The following MDGA2 variants were observed in gnomAD, a reference collection of about 807,000 sequenced individuals.
MDGA2 encodes MAM domain-containing glycosylphosphatidylinositol anchor protein 2.
A neutral mutation model predicts 117.8 loss-of-function variants in MDGA2; 40 were observed. That is an observed-to-expected ratio of 0.34 (90% CI 0.26 to 0.44). The LOEUF is 0.44. Ranked by LOEUF, MDGA2 falls within the 20% of genes least tolerant of loss-of-function variation. MDGA2 has a pLI of 1.00. For missense variants in MDGA2, 1,123 were observed against 1,250.6 expected (o/e 0.90, Z 1.54); for synonymous variants, 452 against 439.0 (o/e 1.03, Z -0.37).
intron 1 of MDGA2, among the ~76,000 whole-genome samples, chr14:47,652,701 A>G (rs1247272930): frequency 6.6e-6 from 1 of 152,196 alleles, no homozygotes; most frequent in Non-Finnish European, 1.5e-5. Context: ...ATAAAAAATT[A>G]GTACCTTATA....
chr14:47,073,506 T>A (rs1272506921), intron 6 of MDGA2, among the ~76,000 whole-genome samples: 1 of 152,228 alleles, frequency 6.6e-6, no homozygotes, highest in Admixed American at 6.5e-5. Context: ...CTGCTTTTTA[T>A]TCCGTATTTC....
intron 3 of MDGA2, among the ~76,000 whole-genome samples, chr14:47,169,655 C>G (rs1312456310): frequency 6.6e-6 from 1 of 151,742 alleles, no homozygotes; most frequent in Non-Finnish European, 1.5e-5. Flanking sequence ...CAAAAGTAAG[C>G]CTAGCATTAG....
chr14:47,155,452 G>A (rs1327276597), intron 3 of MDGA2, among the ~76,000 whole-genome samples: 1 of 152,084 alleles, frequency 6.6e-6, no homozygotes, highest in Non-Finnish European at 1.5e-5. Flanking sequence ...ACTCTCTTCG[G>A]AGCTCTGCAG....
intron 1 of MDGA2, among the ~76,000 whole-genome samples, chr14:47,665,378 G>C (rs1278824463): frequency 6.6e-6 from 1 of 152,216 alleles, no homozygotes; most frequent in East Asian, 1.9e-4. Flanking sequence ...AGAGGTGACA[G>C]TGTGCTGGCA....
chr14:47,639,581 A>C (rs1270038265), intron 1 of MDGA2, among the ~76,000 whole-genome samples: 3 of 152,174 alleles, frequency 2.0e-5, no homozygotes, highest in Non-Finnish European at 4.4e-5. Context: ...AACTCCTTAC[A>C]AAAGGGGCAC....
intron 2 of MDGA2, among the ~76,000 whole-genome samples, chr14:47,300,630 C>T (rs550354330): frequency 6.0e-4 from 91 of 151,928 alleles, no homozygotes; most frequent in African/African-American, 2.1e-3. Context: ...GCTGAGACTA[C>T]GGGTGTGCAA....
intron 1 of MDGA2, among the ~76,000 whole-genome samples, chr14:47,310,795 T>C (rs1889609476): frequency 1.3e-5 from 2 of 152,070 alleles, no homozygotes; most frequent in African/African-American, 2.4e-5. Flanking sequence ...ATAAAAACAA[T>C]GGAGCTTACC....
chr14:46,934,979 C>G (rs1259590045), intron 9 of MDGA2, among the ~76,000 whole-genome samples: 1 of 151,702 alleles, frequency 6.6e-6, no homozygotes, highest in Non-Finnish European at 1.5e-5. Flanking sequence ...ACTCTCCAAA[C>G]TACTGCTTCA....
intron 1 of MDGA2, among the ~76,000 whole-genome samples, chr14:47,382,816 A>G (rs1170377995): frequency 6.6e-6 from 1 of 152,200 alleles, no homozygotes; most frequent in Non-Finnish European, 1.5e-5. Context: ...AGGATCTAGA[A>G]CCAGAAAAAC....
chr14:46,864,822 G>A (rs1227299511), intron 14 of MDGA2, among the ~76,000 whole-genome samples: 2 of 151,846 alleles, frequency 1.3e-5, no homozygotes, highest in Non-Finnish European at 2.9e-5. Flanking sequence ...AGAACACTAA[G>A]GAGCCTTATC....
intron 1 of MDGA2, among the ~76,000 whole-genome samples, chr14:47,401,541 GT>G (rs1403884196): frequency 6.6e-6 from 1 of 152,250 alleles, no homozygotes; most frequent in Non-Finnish European, 1.5e-5. Flanking sequence ...TTCTGTTATA[GT>G]TTGGTTATGT....
At chr14:47,392,700 C>A (rs1454555538) in intron 1 of MDGA2, among the ~76,000 whole-genome samples, 1 of 152,086 alleles carries the variant, frequency 6.6e-6, no homozygotes, top group East Asian at 1.9e-4. Flanking sequence ...GGCAATGTGG[C>A]TCAGCCTACA....
chr14:47,338,635 G>A (rs1385726216), intron 1 of MDGA2, among the ~76,000 whole-genome samples: 2 of 152,022 alleles, frequency 1.3e-5, no homozygotes. Context: ...AATCCGTCAA[G>A]TTAAGAATTC....
chr14:46,985,318 A>G lies in MDGA2; in HGVS notation c.1820-27675T>C, dbSNP rs1230379538. Reference sequence around the variant, plus strand: ...TCTAGTAGTATCAATTTTGTTTTCTACTACTAATTTGTTTCATCTGTGTAA... The same window carrying G: ...TCTAGTAGTATCAATTTTGTTTTCTGCTACTAATTTGTTTCATCTGTGTAA... On this transcript the variant is annotated intron_variant, in intron 8 of 16. Coordinates refer to ENST00000399232, the MANE Select transcript of MDGA2 (RefSeq NM_001113498.3). 2.6e-5 allele frequency among the ~76,000 whole-genome samples: 4 copies of G among 152,172 alleles called. No homozygotes were observed. In the East Asian group the frequency reaches 7.7e-4, roughly 29 times the overall value.
intron 9 of MDGA2, among the ~76,000 whole-genome samples, chr14:46,948,906 C>A (rs552391625): frequency 6.6e-6 from 1 of 152,170 alleles, no homozygotes; most frequent in African/African-American, 2.4e-5. Flanking sequence ...CTTACTTTAT[C>A]TCTGACATCA....
In MDGA2 at chr14:46,840,503, T is replaced by C. The variant is rs918928245; in HGVS notation, c.*1428A>G. Reference sequence around the variant, plus strand: ...TCGTCAGGTAGCTCAAAATTATTTTTACAGGTTTTTGTTTTTTTGTAAAAG... The same window carrying C: ...TCGTCAGGTAGCTCAAAATTATTTTCACAGGTTTTTGTTTTTTTGTAAAAG... On this transcript the variant is annotated 3_prime_UTR_variant, in exon 17 of 17. Coordinates refer to ENST00000399232, the MANE Select transcript of MDGA2 (RefSeq NM_001113498.3). 4 of 152,572 alleles carry C rather than the reference T, an allele frequency of 2.6e-5. No individual in the cohort carries two copies. The highest frequency in any genetic ancestry group is 4.8e-5 in the African/African-American group (2 of 41,436). The allele number at this position is 152,572 out of a possible 1,614,324, so 9.5% of individuals were successfully genotyped here. A position where few individuals can be genotyped will look rare whatever the true frequency, so the allele number is the denominator to read the frequency against.
chr14:47,667,109 G>A (rs547155554), intron 1 of MDGA2, among the ~76,000 whole-genome samples: 25 of 152,182 alleles, frequency 1.6e-4, no homozygotes, highest in Admixed American at 3.9e-4. Context: ...CACCAATTCC[G>A]GACACATTAC....
chr14:47,157,349 C>A (rs1883430304), intron 3 of MDGA2, among the ~76,000 whole-genome samples: 1 of 152,104 alleles, frequency 6.6e-6, no homozygotes, highest in African/African-American at 2.4e-5. Context: ...TTTACTTACA[C>A]AAATTAGAAT....
intron 1 of MDGA2, among the ~76,000 whole-genome samples, chr14:47,373,355 G>A (rs1400019351): frequency 1.3e-5 from 2 of 151,802 alleles, no homozygotes; most frequent in Non-Finnish European, 2.9e-5. Context: ...AAGCATATAT[G>A]CATACATAAA....
Sources: allele counts gnomAD v4.1 joint callset (sites outside exome capture counted in the v4.1 genomes callset), GRCh38; gene constraint gnomAD v4.1.1; transcripts MANE v1.5; gene names NCBI Gene and HGNC (gene_info 2026-07-23, HGNC 2026-07-21).